Variants in GJA10 observed in about 807,000 individuals in gnomAD.
The protein encoded by GJA10 is gap junction protein alpha 10.
For missense variants in GJA10, 685 were observed against 651.9 expected (o/e 1.05, Z -0.55); for synonymous variants, 239 against 233.0 (o/e 1.03, Z -0.23).
Position 89,894,566 on chromosome 6 carries a change from G to A in GJA10, c.98G>A (p.Arg33Gln), listed in dbSNP as rs551586993. The A allele has an allele frequency of 2.0e-5, 33 of 1,614,170 alleles. 1 individual carries two copies. In the South Asian group the frequency reaches 2.2e-4, roughly 11 times the overall value. Residue 33 changes from arginine (R) to glutamine (Q), a missense_variant, in exon 1 of 1, where the codon CGA becomes CAA. Physicochemically the swap from Arg to Gln is conservative, Grantham distance 43 (BLOSUM62 1). Coordinates refer to ENST00000369352, the MANE Select transcript of GJA10 (RefSeq NM_032602.2). ...TGGCTGACCATCCTCTTCATCTTCC[G>A]AATGCTGGTACTTCGTGTGGCTGCT... Reference protein sequence around the residue: ...KIWLTILFIFRMLVLRVAAED... With the variant: ...KIWLTILFIFQMLVLRVAAED...
At position 89,895,010 on chromosome 6, in the gene GJA10, T is replaced by C. The variant is rs763106955; in HGVS notation, c.542T>C (p.Phe181Ser). Residue 181 changes from phenylalanine (F) to serine (S), a missense_variant, in exon 1 of 1, where the codon TTT (phenylalanine) becomes TCT (serine). Physicochemically the swap from Phe to Ser is radical, Grantham distance 155 (BLOSUM62 -2). Coordinates refer to ENST00000369352, the MANE Select transcript of GJA10 (RefSeq NM_032602.2). ...ATAGGCCAATATATTCTCTATGGGT[T>C]TCAAATGCACCCCCTTTACAAATGC... ...FMIGQYILYG[F>S]QMHPLYKCTQ... 3 of 1,614,196 alleles carry C rather than the reference T, an allele frequency of 1.9e-6. No homozygotes were observed. The highest frequency in any genetic ancestry group is 1.7e-6 in the Non-Finnish European group (2 of 1,180,028).
In GJA10 at chr6:89,896,000, G is replaced by T. The variant is rs200972737; in HGVS notation, c.1532G>T (p.Cys511Phe). Residue 511 changes from cysteine (C) to phenylalanine (F), a missense_variant, in exon 1 of 1, where the codon TGT (cysteine) becomes TTT (phenylalanine). Coordinates refer to ENST00000369352, the MANE Select transcript of GJA10 (RefSeq NM_032602.2). ...FLFPFFLPGV[C>F]MYVCVDREAD... ...TTTCCTTTCTTTCTTCCTGGGGTGTGTATGTATGTTTGTGTTGACAGAGAG... is the reference window on the plus strand; with the variant it reads ...TTTCCTTTCTTTCTTCCTGGGGTGTTTATGTATGTTTGTGTTGACAGAGAG... 2 of 1,614,020 alleles carry T rather than the reference G, an allele frequency of 1.2e-6. No individual in the cohort carries two copies. Among genetic ancestry groups the T allele is most frequent in the East Asian group, 4.5e-5 (2 of 44,872 alleles).
In GJA10 at chr6:89,894,915, G is replaced by GA. The variant is rs1172328781; in HGVS notation, c.450dup (p.Gly151ArgfsTer57). The GA allele has an allele frequency of 1.2e-6, 2 of 1,614,078 alleles. No homozygotes were observed. On this transcript the variant is annotated frameshift_variant, in exon 1 of 2. Transcript: ENST00000638915. LOFTEE classifies it high-confidence loss of function. ...AGAAGAGGATCCATAAAGTCCCTCT[G>GA]AAAGGATGTCTGCTGCGTACTTATG...
In GJA10 at chr6:89,895,467, T is replaced by C. The variant is rs775128022; in HGVS notation, c.999T>C (p.His333=). The C allele has an allele frequency of 7.4e-6, 12 of 1,614,076 alleles. No homozygotes were observed. The highest frequency in any genetic ancestry group is 1.7e-5 in the Admixed American group (1 of 60,004). Residue 333 remains histidine (H), a synonymous_variant, in exon 1 of 1, where the codon CAT becomes CAC. Transcript: ENST00000369352. ...SEKDQHSGQL[H]VHSPCPWAGS... ...AGGATCAGCATAGCGGACAGCTCCA[T>C]GTTCACAGCCCGTGTCCCTGGGCTG...
In GJA10 at chr6:89,895,494, C is replaced by T. The variant is rs1334759028; in HGVS notation, c.1026C>T (p.Gly342=). 6.2e-7 allele frequency: 1 copy of T among 1,614,182 alleles called. No homozygotes were observed. Among genetic ancestry groups the T allele is most frequent in the Admixed American group, 1.7e-5 (1 of 60,026 alleles). Residue 342 remains glycine (G), a synonymous_variant, in exon 1 of 1, where the codon GGC becomes GGT. Coordinates refer to ENST00000369352, the MANE Select transcript of GJA10 (RefSeq NM_032602.2). ...LHVHSPCPWA[G]SAGNQHLGQQ... ...TTCACAGCCCGTGTCCCTGGGCTGGCAGTGCTGGAAATCAGCACCTGGGAC... is the reference window on the plus strand; with the variant it reads ...TTCACAGCCCGTGTCCCTGGGCTGGTAGTGCTGGAAATCAGCACCTGGGAC...
chr6:89,895,957 C>T lies in GJA10; in HGVS notation c.1489C>T (p.His497Tyr). 1 of 1,614,148 alleles carries T rather than the reference C, an allele frequency of 6.2e-7. No homozygotes were observed. Among genetic ancestry groups the T allele is most frequent in the Non-Finnish European group, 8.5e-7 (1 of 1,180,018 alleles). ...CATGGAACTATCACAAGAGCTGTTC[C>T]ATTCTGGATGCTTTCTTTTTCCTTT... The part of the protein sequence containing the change: ...PIMELSQELF[H>Y]SGCFLFPFFL... Residue 497 changes from histidine to tyrosine, a missense_variant, in exon 1 of 1, where the codon CAT (histidine) becomes TAT (tyrosine). Transcript: ENST00000369352.
chr6:89,894,640 C>T lies in GJA10; in HGVS notation c.172C>T (p.Gln58Ter), dbSNP rs899188678. ...GTCAGCATTTGCCTGCAACACCCGG[C>T]AGCCAGGTTGCAACAATATCTGTTA... is the stretch of plus-strand genomic sequence containing the variant. Residue 58 changes from glutamine (Q) to a stop codon, truncating the protein, a stop_gained, in exon 1 of 2, where the codon CAG (glutamine) becomes TAG (stop). Coordinates refer to the GJA10 transcript ENST00000638915. LOFTEE classifies it high-confidence loss of function. The T allele has an allele frequency of 6.2e-7, 1 of 1,614,114 alleles. No individual in the cohort carries two copies. Among genetic ancestry groups the T allele is most frequent in the African/African-American group, 1.3e-5 (1 of 74,936 alleles).
Position 89,894,518 on chromosome 6 carries a change from A to T in GJA10, c.50A>T (p.His17Leu). 1 of 1,614,150 alleles carries T rather than the reference A, an allele frequency of 6.2e-7. No individual in the cohort carries two copies. Among genetic ancestry groups the T allele is most frequent in the Middle Eastern group, 1.7e-4 (1 of 6,060 alleles). ...LGGILEEVHS[H>L]STIVGKIWLT... ...GGCATCCTAGAGGAAGTTCACTCCC[A>T]CTCAACCATAGTGGGGAAAATCTGG... The change falls in exon 1 of 1, where the codon CAC becomes CTC. Residue 17 changes from histidine (H) to leucine (L), a missense_variant. Transcript: ENST00000369352.
Position 89,894,475 on chromosome 6 carries a change from G to A in GJA10, c.7G>A (p.Asp3Asn). 1.9e-6 allele frequency: 3 copies of A among 1,611,634 alleles called. No individual in the cohort carries two copies. The highest frequency in any genetic ancestry group is 1.7e-6 in the Non-Finnish European group (2 of 1,178,146). The change falls in exon 1 of 1, where the codon GAC (aspartate) becomes AAC (asparagine). Residue 3 changes from aspartate to asparagine, a missense_variant. Coordinates refer to ENST00000369352, the MANE Select transcript of GJA10 (RefSeq NM_032602.2). ...CAGACATTAGTCTTTAACCATGGGG[G>A]ACTGGAACTTATTGGGTGGCATCCT... MG[D>N]WNLLGGILEE... is the part of the protein sequence containing the mutation.
Position 89,895,358 on chromosome 6 carries a change from C to A in GJA10, c.890C>A (p.Pro297Gln), listed in dbSNP as rs773283436. The part of the protein sequence containing the change: ...NQQQVIRVNV[P>Q]KSKTMWQIPQ... ...CAGCAAGTCATTCGAGTTAATGTGC[C>A]AAAGTCTAAAACCATGTGGCAAATC... The change falls in exon 1 of 1, where the codon CCA becomes CAA. Residue 297 changes from proline (P) to glutamine (Q), a missense_variant. Coordinates refer to ENST00000369352, the MANE Select transcript of GJA10 (RefSeq NM_032602.2). The A allele has an allele frequency of 6.2e-7, 1 of 1,614,156 alleles. No individual in the cohort carries two copies. The highest frequency in any genetic ancestry group is 2.2e-5 in the East Asian group (1 of 44,888).
At position 89,894,807 on chromosome 6, in the gene GJA10, C is replaced by T. The variant is rs554819302; in HGVS notation, c.339C>T (p.His113=). 59 of 1,614,174 alleles carry T rather than the reference C, an allele frequency of 3.7e-5. 1 individual carries two copies. The Middle Eastern group carries it at 6.6e-4, about 18-fold the overall frequency. The change falls in exon 1 of 1, where the codon CAC becomes CAT. Residue 113 remains histidine (H), a synonymous_variant. Coordinates refer to ENST00000369352, the MANE Select transcript of GJA10 (RefSeq NM_032602.2). ...AAGACAGGCAGAGGAAAAAGTCACA[C>T]CTTAGAGCCCAGATGGAGAATCCAG... ...FEKDRQRKKS[H]LRAQMENPDL...
Position 89,894,790 on chromosome 6 carries a change from C to A in GJA10, c.322C>A (p.Gln108Lys). 2 of 1,614,098 alleles carry A rather than the reference C, an allele frequency of 1.2e-6. No individual in the cohort carries two copies. The highest frequency in any genetic ancestry group is 1.1e-5 in the South Asian group (1 of 91,082). Residue 108 changes from glutamine to lysine, a missense_variant, in exon 1 of 1, where the codon CAG (glutamine) becomes AAG (lysine). Transcript: ENST00000369352. ...GCTCAGGGCCTTTGAGAAAGACAGG[C>A]AGAGGAAAAAGTCACACCTTAGAGC... ...YRLRAFEKDR[Q>K]RKKSHLRAQM...
At position 89,895,216 on chromosome 6, in the gene GJA10, G is replaced by A. The variant is rs770249224; in HGVS notation, c.748G>A (p.Gly250Ser). Reference sequence around the variant, plus strand: ...ACTTTATAAGAAATCCAGCAGTGAGGGCATTGAGGATGAAACAGGCCCTCC... The same window carrying A: ...ACTTTATAAGAAATCCAGCAGTGAGAGCATTGAGGATGAAACAGGCCCTCC... ...RTLYKKSSSE[G>S]IEDETGPPFH... Residue 250 changes from glycine (G) to serine (S), a missense_variant, in exon 1 of 1, where the codon GGC becomes AGC. Coordinates refer to ENST00000369352, the MANE Select transcript of GJA10 (RefSeq NM_032602.2). 9 of 1,613,962 alleles carry A rather than the reference G, an allele frequency of 5.6e-6. No individual in the cohort carries two copies. The highest frequency in any genetic ancestry group is 4.0e-5 in the African/African-American group (3 of 74,894).
Position 89,896,003 on chromosome 6 carries a change from T to G in GJA10, c.1535T>G (p.Met512Arg), listed in dbSNP as rs766711661. 1 of 1,613,782 alleles carries G rather than the reference T, an allele frequency of 6.2e-7. No homozygotes were observed. The highest frequency in any genetic ancestry group is 8.5e-7 in the Non-Finnish European group (1 of 1,179,664). ...LFPFFLPGVC[M>R]YVCVDREADG... ...CCTTTCTTTCTTCCTGGGGTGTGTA[T>G]GTATGTTTGTGTTGACAGAGAGGCA... Residue 512 changes from methionine to arginine, a missense_variant, in exon 1 of 1, where the codon ATG becomes AGG. By Grantham distance (91) the Met-to-Arg change is moderately conservative. Coordinates refer to ENST00000369352, the MANE Select transcript of GJA10 (RefSeq NM_032602.2).
chr6:89,895,260 T>G lies in GJA10; in HGVS notation c.792T>G (p.Tyr264Ter), dbSNP rs1277211539. The change falls in exon 1 of 2, where the codon TAT becomes TAG. Residue 264 changes from tyrosine to a stop codon, truncating the protein, a stop_gained. Coordinates refer to the GJA10 transcript ENST00000638915. LOFTEE classifies it high-confidence loss of function. ...GCCCTCCATTCCATTTGAAGAAATATTCTGTGGCCCAGCAGTGTATGATTT... is the reference window on the plus strand; with the variant it reads ...GCCCTCCATTCCATTTGAAGAAATAGTCTGTGGCCCAGCAGTGTATGATTT... 8 of 1,614,178 alleles carry G rather than the reference T, an allele frequency of 5.0e-6. No individual in the cohort carries two copies. The highest frequency in any genetic ancestry group is 5.9e-6 in the Non-Finnish European group (7 of 1,180,028).
rs1161343704 is a variant in GJA10 at position 89,894,487 on chromosome 6, T to C, written c.19T>C (p.Leu7=). The C allele has an allele frequency of 9.3e-6, 15 of 1,612,748 alleles. No individual in the cohort carries two copies. The highest frequency in any genetic ancestry group is 1.7e-5 in the Admixed American group (1 of 59,998). Residue 7 remains leucine, a synonymous_variant, in exon 1 of 1, where the codon TTG becomes CTG. Transcript: ENST00000369352. ...TTTAACCATGGGGGACTGGAACTTA[T>C]TGGGTGGCATCCTAGAGGAAGTTCA... MGDWNL[L]GGILEEVHSH...
At position 89,895,799 on chromosome 6, in the gene GJA10, AC is replaced by A. The variant is rs748341502; in HGVS notation, c.1332del (p.His444GlnfsTer37). On this transcript the variant is annotated frameshift_variant, in exon 1 of 2. Coordinates refer to the GJA10 transcript ENST00000638915. LOFTEE classifies it high-confidence loss of function. ...TTGTTGTCTGAAAAGCGACATCTGC[AC>A]AGTGACTCAGGAAGCTCTGGTTCTC... 2.5e-6 allele frequency: 4 copies of A among 1,614,176 alleles called. No homozygotes were observed. In the African/African-American group the frequency reaches 5.3e-5, roughly 22 times the overall value.
rs147804023 is a variant in GJA10 at position 89,895,832 on chromosome 6, G to A, written c.1364G>A (p.Ser455Asn). Reference protein sequence around the residue: ...SDSGSSGSRNSSCLDFPHWEN... With the variant: ...SDSGSSGSRNNSCLDFPHWEN... The stretch of plus-strand genomic sequence containing the variant: ...TCAGGAAGCTCTGGTTCTCGGAATA[G>A]CTCCTGCTTGGATTTTCCTCACTGG... The change falls in exon 1 of 1, where the codon AGC becomes AAC. Residue 455 changes from serine (S) to asparagine (N), a missense_variant. Physicochemically the swap from Ser to Asn is conservative, Grantham distance 46. Transcript: ENST00000369352. 6.2e-7 allele frequency: 1 copy of A among 1,614,176 alleles called. No homozygotes were observed. The highest frequency in any genetic ancestry group is 1.7e-5 in the Admixed American group (1 of 60,034).
chr6:89,895,510 C>T lies in GJA10; in HGVS notation c.1042C>T (p.His348Tyr), dbSNP rs1406458634. 1 of 1,614,194 alleles carries T rather than the reference C, an allele frequency of 6.2e-7. No homozygotes were observed. ...CTGGGCTGGCAGTGCTGGAAATCAG[C>T]ACCTGGGACAGCAATCAGACCATTC... is the stretch of plus-strand genomic sequence containing the variant. ...CPWAGSAGNQ[H>Y]LGQQSDHSSF... The change falls in exon 1 of 1, where the codon CAC (histidine) becomes TAC (tyrosine). Residue 348 changes from histidine to tyrosine, a missense_variant. Coordinates refer to ENST00000369352, the MANE Select transcript of GJA10 (RefSeq NM_032602.2).
Sources: gnomAD v4.1 joint callset for allele counts on GRCh38, gnomAD v4.1.1 for gene constraint, MANE v1.5 for transcripts, NCBI Gene and HGNC (gene_info 2026-07-23, HGNC 2026-07-21) for gene names.